PCDH11X: variants seen among roughly 807,000 people sequenced by gnomAD.
PCDH11X encodes the protein protocadherin-11 X-linked.
A neutral mutation model predicts 53.3 loss-of-function variants in PCDH11X; 18 were observed. The observed-to-expected ratio is 0.34, with a 90% CI of 0.23 to 0.50. PCDH11X has a LOEUF of 0.50. Ranked by LOEUF, PCDH11X falls within the 20% of genes least tolerant of loss-of-function variation. PCDH11X has a pLI of 0.98. For synonymous variants in PCDH11X, 279 were observed against 393.3 expected (o/e 0.71, Z 3.44); for missense variants, 570 against 1,032.4 (o/e 0.55, Z 6.14).
At chrX:92,151,075 C>T (rs1415567257) in intron 6 of PCDH11X, among the ~76,000 whole-genome samples, 10 of 110,421 alleles carry the variant, frequency 9.1e-5, no homozygotes, top group Middle Eastern at 4.7e-3. Flanking sequence ...AAGGGGAAAG[C>T]ATTTAGTCTT....
intron 6 of PCDH11X, among the ~76,000 whole-genome samples, chrX:91,997,234 A>G (rs1278936494): frequency 2.7e-5 from 3 of 109,532 alleles, no homozygotes; most frequent in Non-Finnish European, 5.7e-5. Flanking sequence ...TTTTTCTGGC[A>G]GGGACTTCTA....
chrX:92,153,132 A>C (rs1428086145), intron 6 of PCDH11X, among the ~76,000 whole-genome samples: 8 of 110,521 alleles, frequency 7.2e-5, no homozygotes, highest in African/African-American at 2.6e-4. Context: ...TTGTTTTGAA[A>C]ACAGGTTTTC....
At chrX:91,961,861 C>T (rs982569977) in intron 6 of PCDH11X, among the ~76,000 whole-genome samples, 3 of 110,070 alleles carry the variant, frequency 2.7e-5, no homozygotes, top group African/African-American at 1.0e-4. Flanking sequence ...TCCTTCTTCA[C>T]ATGGCAGCAG....
intron 7 of PCDH11X, among the ~76,000 whole-genome samples, chrX:92,234,561 A>G (rs1476114509): frequency 8.9e-6 from 1 of 111,824 alleles, no homozygotes; most frequent in African/African-American, 3.2e-5. Flanking sequence ...TTTCCAAGGG[A>G]ATTATGTGTG....
At chrX:92,200,575 A>G (rs2066372357) in intron 6 of PCDH11X, among the ~76,000 whole-genome samples, 1 of 112,495 alleles carries the variant, frequency 8.9e-6, no homozygotes, top group Admixed American at 9.5e-5. Context: ...CATAAGTAAC[A>G]ACTGAACATC....
At chrX:92,159,493 G>C (rs1296502501) in intron 6 of PCDH11X, among the ~76,000 whole-genome samples, 1 of 107,830 alleles carries the variant, frequency 9.3e-6, no homozygotes, top group Non-Finnish European at 1.9e-5. Context: ...CAAAACTCCT[G>C]AGAAAGGGTT....
chrX:91,873,180 T>C (rs1029705725), intron 5 of PCDH11X, among the ~76,000 whole-genome samples: 2 of 109,291 alleles, frequency 1.8e-5, no homozygotes, highest in African/African-American at 6.6e-5. Flanking sequence ...TGGCTAATCA[T>C]AGATTCTTTT....
Position 92,011,607 on chromosome X carries a change from T to C in PCDH11X, c.3033+132334T>C, listed in dbSNP as rs6618817. ...AGTATAGAAAAGAATGTTTATGGCC[T>C]TGAACGATTTTACAAATTTGAAGGA... On this transcript the variant is annotated intron_variant, in intron 6 of 10. Coordinates refer to ENST00000682573, the MANE Select transcript of PCDH11X (RefSeq NM_032968.5). Among the ~76,000 whole-genome samples the C allele has an allele frequency of 3.3e-3, 371 of 111,420 alleles. 9 individuals are homozygous for C. The East Asian group carries it at 0.093, about 28-fold the overall frequency.
chrX:92,280,210 T>A (rs746466372), intron 8 of PCDH11X, among the ~76,000 whole-genome samples: 1 of 111,900 alleles, frequency 8.9e-6, no homozygotes, highest in Non-Finnish European at 1.9e-5. Context: ...TACTCTATGA[T>A]TTTTGCACAA....
chrX:92,210,974 T>A (rs1232541070), intron 7 of PCDH11X, among the ~76,000 whole-genome samples: 2 of 111,802 alleles, frequency 1.8e-5, no homozygotes, highest in African/African-American at 6.5e-5. Flanking sequence ...TCTTCCTGTC[T>A]TCTTCCGAGC....
chrX:92,348,937 T>TA (rs758385615), intron 8 of PCDH11X, among the ~76,000 whole-genome samples: 100 of 102,993 alleles, frequency 9.7e-4, no homozygotes, highest in African/African-American at 3.4e-3. Flanking sequence ...ACTTACTTTC[T>TA]AAATGTGGAA....
At chrX:91,973,615 T>A (rs1208070924) in intron 6 of PCDH11X, among the ~76,000 whole-genome samples, 3 of 76,039 alleles carry the variant, frequency 3.9e-5, no homozygotes, top group East Asian at 8.4e-4. Context: ...ATATACAACT[T>A]TTTTTTTTTT....
At chrX:92,096,441 TGTGTG>T (rs2064136453) in intron 6 of PCDH11X, among the ~76,000 whole-genome samples, 1 of 21,472 alleles carries the variant, frequency 4.7e-5, no homozygotes, top group African/African-American at 1.1e-4. Context: ...TATGTGTATG[TGTGTG>T]TGTGTGTGTG....
intron 9 of PCDH11X, among the ~76,000 whole-genome samples, chrX:92,418,955 T>C (rs2071882122): frequency 9.2e-6 from 1 of 108,688 alleles, no homozygotes; most frequent in African/African-American, 3.3e-5. Flanking sequence ...TTGTTTTCAT[T>C]CAACTGTGAT....
intron 6 of PCDH11X, among the ~76,000 whole-genome samples, chrX:92,045,992 T>TA (rs1266390399): frequency 3.7e-5 from 4 of 109,118 alleles, no homozygotes; most frequent in Non-Finnish European, 7.6e-5. Flanking sequence ...GGGATTCCAG[T>TA]AAAAAATCTG....
intron 7 of PCDH11X, among the ~76,000 whole-genome samples, chrX:92,261,838 A>T (rs1317319557): frequency 9.0e-6 from 1 of 111,528 alleles, no homozygotes; most frequent in African/African-American, 3.3e-5. Context: ...AGAGAAATCC[A>T]AGGACACTTT....
intron 8 of PCDH11X, among the ~76,000 whole-genome samples, chrX:92,302,492 A>G (rs898353131): frequency 4.5e-5 from 5 of 111,382 alleles, no homozygotes; most frequent in Non-Finnish European, 9.4e-5. Flanking sequence ...GATTACATCC[A>G]TGGAACTCCT....
At chrX:91,895,752 A>G (rs1940719917) in intron 6 of PCDH11X, among the ~76,000 whole-genome samples, 1 of 107,661 alleles carries the variant, frequency 9.3e-6, no homozygotes, top group African/African-American at 3.3e-5. Flanking sequence ...TACATATTAT[A>G]TTATATATGT....
At chrX:92,014,002 G>A (rs1221548589) in intron 6 of PCDH11X, among the ~76,000 whole-genome samples, 1 of 111,556 alleles carries the variant, frequency 9.0e-6, no homozygotes, top group African/African-American at 3.3e-5. Context: ...AACACCAAAA[G>A]CAATGGCAAC....
Sources: gnomAD v4.1 joint callset for allele counts (sites outside exome capture counted in the v4.1 genomes callset) on GRCh38, gnomAD v4.1.1 for gene constraint, MANE v1.5 for transcripts, NCBI Gene and HGNC (gene_info 2026-07-23, HGNC 2026-07-21) for gene names.